Variants in NPSR1 observed in about 807,000 individuals in gnomAD.
The protein encoded by NPSR1 is neuropeptide S receptor 1.
In NPSR1, 48 loss-of-function variants were observed where a neutral mutation model predicts 46.9. The ratio of observed to expected loss-of-function variants is 1.02; its 90% confidence interval spans 0.81 to 1.30. The LOEUF is 1.30. Among genes scored for constraint, NPSR1 ranks in the 50% most tolerant of loss-of-function variants. The probability of loss-of-function intolerance (pLI) is 0.00; values close to 1 mark genes in which losing one functional copy is unlikely to be tolerated. For missense variants in NPSR1, 450 were observed against 449.5 expected, an observed-to-expected ratio of 1.00 and a Z score of -0.01; for synonymous variants, 176 against 168.1, an observed-to-expected ratio of 1.05 and a Z score of -0.36.
At chr7:34,736,810 C>T (rs1237279834) in intron 2 of NPSR1, among the ~76,000 whole-genome samples, 1 of 152,072 alleles carries the variant, frequency 6.6e-6, no homozygotes, top group Non-Finnish European at 1.5e-5. Context: ...TCTCTCTCTC[C>T]TTACTTTAAT....
intron 2 of NPSR1, among the ~76,000 whole-genome samples, chr7:34,708,913 C>T (rs1054549049): frequency 2.0e-5 from 3 of 152,148 alleles, no homozygotes; most frequent in Non-Finnish European, 4.4e-5. Context: ...TGCTTTCACC[C>T]TTGCACCAGC....
intron 6 of NPSR1, among the ~76,000 whole-genome samples, chr7:34,843,462 C>T (rs954146989): frequency 6.6e-6 from 1 of 152,204 alleles, no homozygotes; most frequent in Admixed American, 6.5e-5. Flanking sequence ...TCAAAGGCTC[C>T]ACCTCCCAAT....
chr7:34,791,731 C>G (rs1162787707), intron 3 of NPSR1, among the ~76,000 whole-genome samples: 1 of 151,950 alleles, frequency 6.6e-6, no homozygotes, highest in Non-Finnish European at 1.5e-5. Context: ...ACAAAAGTCC[C>G]AGAATTGCCA....
chr7:34,718,532 G>C (rs1186155132), intron 2 of NPSR1, among the ~76,000 whole-genome samples: 1 of 152,230 alleles, frequency 6.6e-6, no homozygotes, highest in African/African-American at 2.4e-5. Flanking sequence ...GTTCTGATAT[G>C]ATCCATTCCT....
chr7:34,809,306 T>C (rs1294842394), intron 3 of NPSR1, among the ~76,000 whole-genome samples: 2 of 152,034 alleles, frequency 1.3e-5, no homozygotes, highest in African/African-American at 4.8e-5. Flanking sequence ...CAAGAGATAA[T>C]TTTTTCTTTT....
At chr7:34,775,240 T>C (rs538113524) in intron 2 of NPSR1, among the ~76,000 whole-genome samples, 2 of 152,306 alleles carry the variant, frequency 1.3e-5, no homozygotes, top group African/African-American at 4.8e-5. Flanking sequence ...AGAGGTAACA[T>C]AGCCATGGGC....
At chr7:34,675,079 A>G (rs1033621094) in intron 1 of NPSR1, among the ~76,000 whole-genome samples, 1 of 152,248 alleles carries the variant, frequency 6.6e-6, no homozygotes, top group Non-Finnish European at 1.5e-5. Flanking sequence ...ATGAGCCAGT[A>G]ACCCAGGTAA....
chr7:34,865,506 C>T (rs1335371585), intron 8 of NPSR1, among the ~76,000 whole-genome samples: 6 of 151,806 alleles, frequency 4.0e-5, no homozygotes, highest in African/African-American at 1.5e-4. Context: ...AGTGAGGGAG[C>T]TTCTTTCCAG....
At chr7:34,803,712 T>C (rs1190899778) in intron 3 of NPSR1, among the ~76,000 whole-genome samples, 2 of 142,640 alleles carry the variant, frequency 1.4e-5, no homozygotes, top group Non-Finnish European at 3.0e-5. Context: ...AAACTTAAAG[T>C]ATAATAGTAA....
Position 34,826,504 on chromosome 7 carries a change from A to G in NPSR1, c.479-897A>G, listed in dbSNP as rs977067757. Among the ~76,000 whole-genome samples the G allele has an allele frequency of 3.9e-5, 6 of 152,260 alleles. No individual in the cohort carries two copies. The South Asian group carries it at 1.2e-3, about 32-fold the overall frequency. On this transcript the variant is annotated intron_variant, in intron 4 of 8. Transcript: ENST00000360581. Reference sequence around the variant, plus strand: ...AAGTAGGGGAGCAAGGTGGCCTCTTATTTCTGGAAGAAGGTCCCAGAGCCA... The same window carrying G: ...AAGTAGGGGAGCAAGGTGGCCTCTTGTTTCTGGAAGAAGGTCCCAGAGCCA...
At chr7:34,853,476 C>T (rs1790983734), downstream of NPSR1, among the ~76,000 whole-genome samples, 1 of 152,220 alleles carries the variant, frequency 6.6e-6, no homozygotes, top group Non-Finnish European at 1.5e-5. Flanking sequence ...ATGAAAAACC[C>T]ATGCCTCATT....
chr7:34,793,965 A>C (rs550364752), intron 3 of NPSR1, among the ~76,000 whole-genome samples: 1 of 152,298 alleles, frequency 6.6e-6, no homozygotes, highest in South Asian at 2.1e-4. Flanking sequence ...AATAAGCTAC[A>C]CACAGAAAGA....
At chr7:34,790,807 T>C (rs1787737611) in intron 3 of NPSR1, among the ~76,000 whole-genome samples, 1 of 113,620 alleles carries the variant, frequency 8.8e-6, no homozygotes, top group South Asian at 2.5e-4. Context: ...ATAGGTTATA[T>C]GTTATATATG....
intron 2 of NPSR1, chr7:34,710,943 G>A (rs1783250456): frequency 2.7e-6 from 1 of 371,198 alleles, no homozygotes; most frequent in East Asian, 6.9e-5. Context: ...AGTACAGGCA[G>A]ATGGGACAGA....
chr7:34,743,417 T>C (rs1301553768), intron 2 of NPSR1, among the ~76,000 whole-genome samples: 1 of 151,964 alleles, frequency 6.6e-6, no homozygotes, highest in Non-Finnish European at 1.5e-5. Flanking sequence ...CTTTTCCCCA[T>C]GACTTGTTTT....
chr7:34,811,655 C>A (rs965020731), intron 3 of NPSR1, 115 bp from the exon 4 acceptor site: 10 of 660,298 alleles, frequency 1.5e-5, no homozygotes, highest in African/African-American at 1.5e-4. Context: ...CCAACACTCA[C>A]CCCTTCTTTG....
At chr7:34,658,807 T>C (rs1248848649) in intron 1 of NPSR1, among the ~76,000 whole-genome samples, 1 of 152,168 alleles carries the variant, frequency 6.6e-6, no homozygotes, top group Non-Finnish European at 1.5e-5. Context: ...GAATCGTGAG[T>C]AACATTTATG....
intron 2 of NPSR1, among the ~76,000 whole-genome samples, chr7:34,710,511 T>C (rs1055703206): frequency 6.6e-6 from 1 of 152,178 alleles, no homozygotes; most frequent in East Asian, 1.9e-4. Context: ...CTTTCCAGAA[T>C]AGATGAATCT....
chr7:34,659,049 C>T (rs1583747895), intron 1 of NPSR1, among the ~76,000 whole-genome samples: 1 of 152,154 alleles, frequency 6.6e-6, no homozygotes. Context: ...TTTCATTAAA[C>T]ATCAGTGAGG....
Sources: allele counts gnomAD v4.1 joint callset (sites outside exome capture counted in the v4.1 genomes callset), GRCh38; gene constraint gnomAD v4.1.1; transcripts MANE v1.5; gene names NCBI Gene and HGNC (gene_info 2026-07-23, HGNC 2026-07-21).